Variants in SAMMSON observed in about 807,000 individuals in gnomAD.
SAMMSON encodes survival associated mitochondrial melanoma specific oncogenic non-coding RNA.
rs56058406 is a variant in SAMMSON, at chr3:70,039,593, TCACACACACACACACACACACA to T, written n.417+25951_417+25972del. ...ATCCAATTCCTTAAAACACATCTCT[TCACACACACACACACACACACA>T]CACACACACACACACACACACACAC... is the stretch of plus-strand genomic sequence containing the variant. On this transcript the variant is annotated intron_variant and non_coding_transcript_variant, in intron 3 of 9. Transcript: ENST00000642114. 4.0e-3 allele frequency among the ~76,000 whole-genome samples: 543 copies of T among 135,704 alleles called. 10 individuals are homozygous for T. The highest frequency in any genetic ancestry group is 0.037 in the Admixed American group (490 of 13,300). 89.0% of individuals were successfully genotyped at this position (135,704 alleles called of 152,430 possible). A position where few individuals can be genotyped will look rare whatever the true frequency, so the allele number is the denominator to read the frequency against.
At chr3:70,260,443 T>C (rs1334386165) in intron 6 of SAMMSON, among the ~76,000 whole-genome samples, 1 of 152,092 alleles carries the variant, frequency 6.6e-6, no homozygotes, top group Admixed American at 6.6e-5. Flanking sequence ...TGGGGGTTAG[T>C]ACCTCAACAT....
intron 6 of SAMMSON, among the ~76,000 whole-genome samples, chr3:70,287,087 A>G (rs1210553867): frequency 2.8e-5 from 4 of 141,650 alleles, no homozygotes; most frequent in Non-Finnish European, 6.1e-5. Context: ...AGAACTTCCA[A>G]CACTATGTTG....
At chr3:70,116,023 C>G (rs2067409473) in intron 4 of SAMMSON, among the ~76,000 whole-genome samples, 1 of 151,874 alleles carries the variant, frequency 6.6e-6, no homozygotes, top group African/African-American at 2.4e-5. Context: ...TACCAGAATT[C>G]TACATGTAAA....
intron 4 of SAMMSON, among the ~76,000 whole-genome samples, chr3:70,087,405 C>T (rs971109228): frequency 1.7e-4 from 26 of 152,026 alleles, no homozygotes; most frequent in Admixed American, 5.2e-4. Context: ...ATATTCTTGC[C>T]GACTTAGGGG....
chr3:70,266,749 A>G (rs904198712), intron 6 of SAMMSON, among the ~76,000 whole-genome samples: 5 of 152,152 alleles, frequency 3.3e-5, no homozygotes, highest in Non-Finnish European at 5.9e-5. Flanking sequence ...CCTGGCTTAT[A>G]CTTTTCTTTT....
chr3:70,171,490 A>G (rs1362748023), intron 4 of SAMMSON, among the ~76,000 whole-genome samples: 1 of 151,932 alleles, frequency 6.6e-6, no homozygotes, highest in East Asian at 1.9e-4. Context: ...TAATGCTATA[A>G]ATAAAAATAC....
chr3:70,178,853 A>G (rs1352879033), intron 4 of SAMMSON, among the ~76,000 whole-genome samples: 1 of 152,050 alleles, frequency 6.6e-6, no homozygotes, highest in African/African-American at 2.4e-5. Context: ...TACCAAAAAT[A>G]CAAAAAAATT....
intron 6 of SAMMSON, among the ~76,000 whole-genome samples, chr3:70,280,136 C>T (rs1702066073): frequency 6.6e-6 from 1 of 152,108 alleles, no homozygotes; most frequent in Non-Finnish European, 1.5e-5. Context: ...TGGGGGCTGC[C>T]TGCATTTCCT....
At chr3:70,104,583 G>A (rs1381979518) in intron 4 of SAMMSON, among the ~76,000 whole-genome samples, 1 of 152,126 alleles carries the variant, frequency 6.6e-6, no homozygotes, top group Non-Finnish European at 1.5e-5. Flanking sequence ...AAGGAGCTGG[G>A]TCAAGGTGTA....
At chr3:70,404,947 C>G (rs778672664) in intron 2 of SAMMSON, among the ~76,000 whole-genome samples, 2 of 152,182 alleles carry the variant, frequency 1.3e-5, no homozygotes, top group African/African-American at 2.4e-5. Context: ...GAGTCTTTAG[C>G]ACACTACTGT....
chr3:70,021,187 G>A lies in SAMMSON; in HGVS notation n.417+7515G>A, dbSNP rs930880269. Among the ~76,000 whole-genome samples, 13 of 152,296 alleles carry A rather than the reference G, an allele frequency of 8.5e-5. No homozygotes were observed. The East Asian group carries it at 9.6e-4, about 11-fold the overall frequency. On this transcript the variant is annotated intron_variant and non_coding_transcript_variant, in intron 3 of 9. Transcript: ENST00000642114. ...GGGAAGAGAAGGGAGGATGTGAGAC[G>A]TGAGAAAACCTTTTCCAGTAACAGG...
chr3:70,079,371 C>A lies in SAMMSON; in HGVS notation n.507+7806C>A, dbSNP rs2067259894. On this transcript the variant is annotated intron_variant and non_coding_transcript_variant, in intron 4 of 9. Coordinates refer to ENST00000642114, the Ensembl canonical transcript of SAMMSON. Reference sequence around the variant, plus strand: ...TGGGAAATGCTACAAATCGAGGCTTCCCCAGAGACCCACGAACTGAACACT... The same window carrying A: ...TGGGAAATGCTACAAATCGAGGCTTACCCAGAGACCCACGAACTGAACACT... Among the ~76,000 whole-genome samples, 3 of 152,104 alleles carry A rather than the reference C, an allele frequency of 2.0e-5. No homozygotes were observed. In the South Asian group the frequency reaches 6.2e-4, roughly 32 times the overall value.
intron 4 of SAMMSON, among the ~76,000 whole-genome samples, chr3:70,081,043 T>G (rs2067266009): frequency 6.6e-6 from 1 of 152,194 alleles, no homozygotes; most frequent in Non-Finnish European, 1.5e-5. Context: ...CTTAGCCAGT[T>G]TTGTTCATTG....
chr3:70,237,551 C>G (rs752487938), intron 4 of SAMMSON, among the ~76,000 whole-genome samples: 10 of 152,198 alleles, frequency 6.6e-5, no homozygotes, highest in Non-Finnish European at 1.5e-4. Flanking sequence ...ACCTCTTACT[C>G]TTCTTCTTCA....
rs535825427 is a variant in SAMMSON at position 70,093,233 on chromosome 3, A to G, written n.507+21668A>G. Among the ~76,000 whole-genome samples the G allele has an allele frequency of 9.3e-4, 142 of 152,170 alleles. 1 individual carries two copies. The South Asian group carries it at 0.017, about 19-fold the overall frequency. ...AATAATGCGCACTGACAGAGAGCACACTCAATGTCAGGCAGTGAGTCAAAC... is the reference window on the plus strand; with the variant it reads ...AATAATGCGCACTGACAGAGAGCACGCTCAATGTCAGGCAGTGAGTCAAAC... On this transcript the variant is annotated intron_variant and non_coding_transcript_variant, in intron 4 of 9. Transcript: ENST00000642114.
At chr3:70,362,737 AAT>A (rs1445600717) in intron 9 of SAMMSON, among the ~76,000 whole-genome samples, 1 of 151,952 alleles carries the variant, frequency 6.6e-6, no homozygotes, top group African/African-American at 2.4e-5. Context: ...ATTCTGTATA[AAT>A]AACTGTTACT....
chr3:70,054,805 G>C (rs918812863), intron 3 of SAMMSON, among the ~76,000 whole-genome samples: 2 of 152,104 alleles, frequency 1.3e-5, no homozygotes, highest in African/African-American at 4.8e-5. Context: ...CAACAGGGAA[G>C]TAGCTGCTTC....
chr3:70,319,251 G>A (rs936683334), intron 7 of SAMMSON, among the ~76,000 whole-genome samples: 6 of 152,004 alleles, frequency 3.9e-5, no homozygotes, highest in Non-Finnish European at 1.5e-5. Flanking sequence ...CACTAAATTT[G>A]GGTTTCACCT....
intron 4 of SAMMSON, among the ~76,000 whole-genome samples, chr3:70,224,614 T>G (rs770899654): frequency 6.6e-6 from 1 of 152,198 alleles, no homozygotes; most frequent in Non-Finnish European, 1.5e-5. Context: ...GCTTCTCAAG[T>G]GCCAGAGGCA....
Sources: gnomAD v4.1 joint callset for allele counts (sites outside exome capture counted in the v4.1 genomes callset) on GRCh38, gnomAD v4.1.1 for gene constraint, MANE v1.5 for transcripts, NCBI Gene and HGNC (gene_info 2026-07-23, HGNC 2026-07-21) for gene names.